PRKAR1A: variants seen among roughly 807,000 people sequenced by gnomAD.
PRKAR1A encodes the protein protein kinase cAMP-dependent type I regulatory subunit alpha.
A neutral mutation model predicts 52.0 loss-of-function variants in PRKAR1A; 3 were observed. That is an observed-to-expected ratio of 0.06 (90% CI 0.03 to 0.15). The LOEUF (loss-of-function observed/expected upper bound fraction) is 0.15. PRKAR1A is among the 10% of genes least tolerant of loss of function. PRKAR1A has a pLI of 1.00. For missense variants in PRKAR1A, 240 were observed against 477.4 expected, an observed-to-expected ratio of 0.50 and a Z score of 4.63; for synonymous variants, 188 against 168.4, an observed-to-expected ratio of 1.12 and a Z score of -0.90.
At chr17:68,426,058 G>A in the PRKAR1A span, 67 of 1,609,540 alleles carry the variant, frequency 4.2e-5, no homozygotes, top group Middle Eastern at 3.8e-4. Flanking sequence ...GCCCAGTTAC[G>A]GGTTCCTAAT....
At chr17:68,527,157 T>C (rs2085818045) in intron 7 of PRKAR1A, among the ~76,000 whole-genome samples, 2 of 152,210 alleles carry the variant, frequency 1.3e-5, no homozygotes, top group Non-Finnish European at 2.9e-5. Flanking sequence ...TACTTTCTCA[T>C]AGTGGGCCTG....
At position 68,531,899 on chromosome 17, in the gene PRKAR1A, G is replaced by A; in HGVS notation, c.*1450G>A. 1.9e-6 allele frequency: 2 copies of A among 1,051,888 alleles called. No homozygotes were observed. Among genetic ancestry groups the A allele is most frequent in the South Asian group, 4.6e-5 (1 of 21,680 alleles). 65.2% of individuals were successfully genotyped at this position (1,051,888 alleles called of 1,614,324 possible). ...TGTGATTTATATATAAGGTAATGTA[G>A]GGTTATATTTGGGAGTGACTGCAAG... On this transcript the variant is annotated 3_prime_UTR_variant, in exon 11 of 11. Coordinates refer to ENST00000589228, the MANE Select transcript of PRKAR1A (RefSeq NM_002734.5).
the PRKAR1A span, chr17:68,452,856 A>C: frequency 6.5e-7 from 1 of 1,533,506 alleles, no homozygotes; most frequent in Non-Finnish European, 9.0e-7. Flanking sequence ...TAAAGCCTAG[A>C]AGGAGGCTCT....
the PRKAR1A span, chr17:68,422,352 C>T: frequency 1.3e-5 from 2 of 154,468 alleles, no homozygotes; most frequent in Admixed American, 6.3e-5. Context: ...TCGCTTGAAC[C>T]GGGGAGGTGG....
chr17:68,487,717 C>G, the PRKAR1A span, among the ~76,000 whole-genome samples: 1 of 151,196 alleles, frequency 6.6e-6, no homozygotes, highest in African/African-American at 2.4e-5. Context: ...AGGAGAATGG[C>G]TTGAAGCAGG....
At chr17:68,548,659 GTA>G (rs1278882003) in intron 11 of PRKAR1A, among the ~76,000 whole-genome samples, 2 of 149,842 alleles carry the variant, frequency 1.3e-5, no homozygotes, top group African/African-American at 4.9e-5. Context: ...CCTTCACTTT[GTA>G]AAAAACCTAG....
upstream of PRKAR1A, among the ~76,000 whole-genome samples, chr17:68,507,241 A>T (rs139348067): frequency 1.8e-3 from 272 of 152,366 alleles, 2 homozygotes; most frequent in African/African-American, 5.7e-3. Flanking sequence ...AAGACATAGA[A>T]TCAACCCAAA....
At chr17:68,516,354 T>A (rs2085433422) in intron 2 of PRKAR1A, among the ~76,000 whole-genome samples, 1 of 152,134 alleles carries the variant, frequency 6.6e-6, no homozygotes, top group Non-Finnish European at 1.5e-5. Flanking sequence ...ACCAAATATT[T>A]TGAATAGTTT....
the PRKAR1A span, among the ~76,000 whole-genome samples, chr17:68,502,089 A>G: frequency 6.6e-6 from 1 of 152,214 alleles, no homozygotes; most frequent in Non-Finnish European, 1.5e-5. Context: ...TCATTGCAAC[A>G]GACTCCTGAG....
chr17:68,539,774 CGTG>C, intron 11 of PRKAR1A: 3 of 961,738 alleles, frequency 3.1e-6, no homozygotes, highest in Non-Finnish European at 5.0e-6. Flanking sequence ...AGACAAGGCA[CGTG>C]GTGGTGGAGG....
At chr17:68,417,890 C>T in the PRKAR1A span, among the ~76,000 whole-genome samples, 49 of 151,330 alleles carry the variant, frequency 3.2e-4, no homozygotes, top group African/African-American at 1.0e-3. Context: ...ACCACCATGC[C>T]CAGATAATTT....
the PRKAR1A span, chr17:68,422,588 G>A: frequency 6.6e-6 from 1 of 151,944 alleles, no homozygotes; most frequent in African/African-American, 2.4e-5. Flanking sequence ...AAATTTAGCT[G>A]GGCATGGTAG....
At chr17:68,421,732 C>T in the PRKAR1A span, 1 of 1,614,014 alleles carries the variant, frequency 6.2e-7, no homozygotes, top group Non-Finnish European at 8.5e-7. Context: ...CCAAAACCAC[C>T]TGATAGGGGG....
At chr17:68,517,666 T>G (rs1011128779) in intron 2 of PRKAR1A, among the ~76,000 whole-genome samples, 2 of 152,136 alleles carry the variant, frequency 1.3e-5, no homozygotes, top group African/African-American at 4.8e-5. Context: ...GAACTGCAAT[T>G]CAAGATGAGA....
At chr17:68,415,570 C>G in the PRKAR1A span, among the ~76,000 whole-genome samples, 1 of 152,122 alleles carries the variant, frequency 6.6e-6, no homozygotes, top group Non-Finnish European at 1.5e-5. Context: ...TCCATTGTTT[C>G]TTTGTTGACT....
chr17:68,495,139 G>A, the PRKAR1A span, among the ~76,000 whole-genome samples: 4 of 152,056 alleles, frequency 2.6e-5, no homozygotes, highest in African/African-American at 4.8e-5. Context: ...AGGTCCTCCC[G>A]CTTCAGCCTC....
the PRKAR1A span, among the ~76,000 whole-genome samples, chr17:68,453,781 C>A: frequency 6.6e-6 from 1 of 152,100 alleles, no homozygotes; most frequent in South Asian, 2.1e-4. Flanking sequence ...CTAAGAAATA[C>A]ACTTTCAAAG....
chr17:68,520,405 C>CAA (rs1568692590), intron 2 of PRKAR1A, among the ~76,000 whole-genome samples: 1 of 152,170 alleles, frequency 6.6e-6, no homozygotes, highest in East Asian at 1.9e-4. Context: ...ATTTGAACCT[C>CAA]AGAGTCAAGA....
chr17:68,477,002 G>A, the PRKAR1A span, among the ~76,000 whole-genome samples: 1 of 152,024 alleles, frequency 6.6e-6, no homozygotes, highest in East Asian at 1.9e-4. Context: ...CCCAAATTCT[G>A]AATTCTGCAG....
Sources: gnomAD v4.1 joint callset for allele counts (sites outside exome capture counted in the v4.1 genomes callset) on GRCh38, gnomAD v4.1.1 for gene constraint, MANE v1.5 for transcripts, NCBI Gene and HGNC (gene_info 2026-07-23, HGNC 2026-07-21) for gene names.